Variants in PHLPP1 observed in about 807,000 individuals in gnomAD.
The protein encoded by PHLPP1 is PH domain leucine-rich repeat-containing protein phosphatase 1.
Under a neutral mutation model 117.2 loss-of-function variants are expected in PHLPP1, and 42 were observed. That is an observed-to-expected ratio of 0.36 (90% CI 0.28 to 0.46). The LOEUF is 0.46. Among genes scored for constraint, PHLPP1 ranks in the 20% least tolerant of loss-of-function variants. The pLI is 1.00. For missense variants in PHLPP1, 2,084 were observed against 2,241.9 expected (o/e 0.93, Z 1.42); for synonymous variants, 1,042 against 970.7 (o/e 1.07, Z -1.37).
At position 62,979,120 on chromosome 18, in the gene PHLPP1, G is replaced by C; in HGVS notation, c.4843G>C (p.Val1615Leu). The C allele has an allele frequency of 6.2e-7, 1 of 1,613,940 alleles. No individual in the cohort carries two copies. The highest frequency in any genetic ancestry group is 8.5e-7 in the Non-Finnish European group (1 of 1,179,848). The part of the protein sequence containing the change: ...GLPRKADFSA[V>L]GTIGRRRANG... ...GCCCAGGAAGGCAGACTTCTCTGCC[G>C]TTGGGACCATTGGGCGCCGGAGGGC... Residue 1615 changes from valine to leucine, a missense_variant, in exon 17 of 17, where the codon GTT becomes CTT. Around this residue, in one of 2 missense-constraint regions of PHLPP1, gnomAD observed 1,365 missense variants for 1,605.9 expected, o/e 0.85. Transcript: ENST00000262719.
chr18:62,886,807 T>A (rs1227227263), intron 4 of PHLPP1, among the ~76,000 whole-genome samples: 1 of 152,254 alleles, frequency 6.6e-6, no homozygotes, highest in Non-Finnish European at 1.5e-5. Context: ...CTGAAATAAC[T>A]TCATTTTAAT....
intron 15 of PHLPP1, 46 bp from the exon 16 acceptor site, chr18:62,975,351 A>C (rs192595661): frequency 7.5e-7 from 1 of 1,334,654 alleles, no homozygotes. Flanking sequence ...CAGAACTGGC[A>C]CTGATGGGCT....
chr18:62,914,046 A>T (rs1917035129), intron 8 of PHLPP1, among the ~76,000 whole-genome samples: 1 of 152,028 alleles, frequency 6.6e-6, no homozygotes, highest in Admixed American at 6.6e-5. Context: ...TGCCTGGCCT[A>T]GTTCTCTTTT....
intron 10 of PHLPP1, among the ~76,000 whole-genome samples, chr18:62,923,258 A>C (rs1413843342): frequency 2.0e-5 from 3 of 152,184 alleles, no homozygotes; most frequent in African/African-American, 7.2e-5. Flanking sequence ...CATTTCTGGC[A>C]CAGGAGAGTT....
intron 10 of PHLPP1, among the ~76,000 whole-genome samples, chr18:62,938,994 C>CTTTCTTTTTTTTTTTTTTTTTTT: frequency 7.8e-6 from 1 of 128,680 alleles, no homozygotes; most frequent in Non-Finnish European, 1.6e-5. Flanking sequence ...TTCTTTCTTT[C>CTTTCTTTTTTTTTTTTTTTTTTT]TTTTTTTTTT....
intron 4 of PHLPP1, among the ~76,000 whole-genome samples, chr18:62,881,951 C>G (rs1047499614): frequency 6.6e-6 from 1 of 152,136 alleles, no homozygotes; most frequent in African/African-American, 2.4e-5. Context: ...CACAATGAGC[C>G]AAATGTTTCT....
At chr18:62,861,902 A>G (rs1309154023) in intron 4 of PHLPP1, among the ~76,000 whole-genome samples, 4 of 152,190 alleles carry the variant, frequency 2.6e-5, no homozygotes, top group Non-Finnish European at 5.9e-5. Flanking sequence ...TTTAACGGTA[A>G]GATCCATTGA....
intron 1 of PHLPP1, among the ~76,000 whole-genome samples, chr18:62,720,229 T>C (rs998149539): frequency 6.6e-6 from 1 of 152,198 alleles, no homozygotes; most frequent in Non-Finnish European, 1.5e-5. Flanking sequence ...CTCCTAAACA[T>C]GAATGAGCTT....
intron 3 of PHLPP1, among the ~76,000 whole-genome samples, chr18:62,856,015 G>T (rs1253910135): frequency 6.6e-6 from 1 of 152,168 alleles, no homozygotes; most frequent in Non-Finnish European, 1.5e-5. Flanking sequence ...GACAAAGATA[G>T]AGAAAAAATA....
chr18:62,897,341 A>G (rs1367795908), intron 6 of PHLPP1, among the ~76,000 whole-genome samples: 1 of 152,228 alleles, frequency 6.6e-6, no homozygotes, highest in Non-Finnish European at 1.5e-5. Context: ...TTTAGATGAC[A>G]TCACCTACAG....
At chr18:62,893,494 C>T (rs1916477097) in intron 4 of PHLPP1, among the ~76,000 whole-genome samples, 2 of 152,162 alleles carry the variant, frequency 1.3e-5, no homozygotes, top group South Asian at 4.1e-4. Context: ...TCCAAGTAAA[C>T]AGGTATTATT....
chr18:62,805,084 T>C (rs2144304955), intron 1 of PHLPP1, among the ~76,000 whole-genome samples: 1 of 140,158 alleles, frequency 7.1e-6, no homozygotes, highest in South Asian at 2.3e-4. Flanking sequence ...TACAGTATAA[T>C]ATGCACTGCA....
At chr18:62,776,641 A>G (rs1436267319) in intron 1 of PHLPP1, among the ~76,000 whole-genome samples, 1 of 138,288 alleles carries the variant, frequency 7.2e-6, no homozygotes, top group African/African-American at 2.7e-5. Context: ...ACGGAGTCTC[A>G]CTCTGTGGCC....
intron 1 of PHLPP1, among the ~76,000 whole-genome samples, chr18:62,784,798 T>A (rs772363531): frequency 3.2e-4 from 48 of 152,206 alleles, no homozygotes; most frequent in Non-Finnish European, 4.4e-4. Context: ...CTTTTTTGAA[T>A]TCAGTAATTG....
chr18:62,751,034 C>A (rs1043438860), intron 1 of PHLPP1, among the ~76,000 whole-genome samples: 7 of 152,154 alleles, frequency 4.6e-5, no homozygotes, highest in African/African-American at 1.7e-4. Context: ...TTTTAAAAAA[C>A]CAACACCAAC....
rs544848225 is a variant in PHLPP1, at chr18:62,900,125, C to T, written c.2445-2839C>T. Among the ~76,000 whole-genome samples, 26 of 152,022 alleles carry T rather than the reference C, an allele frequency of 1.7e-4. No homozygotes were observed. In the South Asian group the frequency reaches 3.1e-3, roughly 18 times the overall value. Reference sequence around the variant, plus strand: ...CAGCCTGGCCAACATGGCAAAACCCCGCCTCTACTAAAAATGCAAAAATTA... The same window carrying T: ...CAGCCTGGCCAACATGGCAAAACCCTGCCTCTACTAAAAATGCAAAAATTA... On this transcript the variant is annotated intron_variant, in intron 6 of 16. Coordinates refer to ENST00000262719, the MANE Select transcript of PHLPP1 (RefSeq NM_194449.4).
intron 2 of PHLPP1, among the ~76,000 whole-genome samples, chr18:62,830,700 G>A (rs1338189342): frequency 6.6e-6 from 1 of 152,096 alleles, no homozygotes; most frequent in Admixed American, 6.6e-5. Context: ...AAAAAACAGT[G>A]CCATTGGCTC....
chr18:62,758,627 T>C (rs1015156280), intron 1 of PHLPP1, among the ~76,000 whole-genome samples: 17 of 152,216 alleles, frequency 1.1e-4, no homozygotes, highest in African/African-American at 3.9e-4. Flanking sequence ...GAGGCAGAGA[T>C]GTGACATCTT....
intron 12 of PHLPP1, among the ~76,000 whole-genome samples, chr18:62,956,281 T>G (rs1910609053): frequency 6.6e-6 from 1 of 152,130 alleles, no homozygotes; most frequent in Admixed American, 6.5e-5. Flanking sequence ...GAGGCCCCAT[T>G]TCTCATAGAT....
Sources: gnomAD v4.1 joint callset for allele counts (sites outside exome capture counted in the v4.1 genomes callset) on GRCh38, gnomAD v4.1.1 for gene constraint, gnomAD v4.1.1 regional missense constraint, MANE v1.5 for transcripts, NCBI Gene and HGNC (gene_info 2026-07-23, HGNC 2026-07-21) for gene names.